SLC25A26: variants seen among roughly 807,000 people sequenced by gnomAD.
The protein encoded by SLC25A26 is mitochondrial S-adenosylmethionine carrier protein.
A neutral mutation model predicts 37.8 loss-of-function variants in SLC25A26; 36 were observed. The ratio of observed to expected loss-of-function variants is 0.95; its 90% CI spans 0.73 to 1.26. The LOEUF is 1.26. Ranked by LOEUF, SLC25A26 falls within the 50% of genes most tolerant of loss-of-function variation. The pLI, the probability that SLC25A26 is intolerant of heterozygous loss-of-function variation, is 0.00. For synonymous variants in SLC25A26, 129 were observed against 122.5 expected (o/e 1.05, Z -0.35); for missense variants, 390 against 331.1 (o/e 1.18, Z -1.38).
At chr3:66,158,676 T>A (rs1359880301) in intron 1 of SLC25A26, among the ~76,000 whole-genome samples, 1 of 152,166 alleles carries the variant, frequency 6.6e-6, no homozygotes, top group Non-Finnish European at 1.5e-5. Flanking sequence ...CATAGATTGT[T>A]ATACAAAGTG....
chr3:66,219,184 A>G (rs2071406860), upstream of SLC25A26, among the ~76,000 whole-genome samples: 1 of 152,214 alleles, frequency 6.6e-6, no homozygotes, highest in Admixed American at 6.5e-5. Flanking sequence ...AAAGCTTATT[A>G]ATAGAAACTT....
intron 1 of SLC25A26, among the ~76,000 whole-genome samples, chr3:66,135,943 C>T (rs1243534075): frequency 6.6e-6 from 1 of 152,204 alleles, no homozygotes; most frequent in Admixed American, 6.5e-5. Context: ...CAGGGATATA[C>T]ATCTTGGTCT....
chr3:66,276,208 G>C (rs2074139916), intron 5 of SLC25A26, among the ~76,000 whole-genome samples: 1 of 152,064 alleles, frequency 6.6e-6, no homozygotes, highest in Non-Finnish European at 1.5e-5. Flanking sequence ...TCCTTAAACT[G>C]TAAGACATCA....
At chr3:66,255,161 A>T (rs1310134497) in intron 3 of SLC25A26, among the ~76,000 whole-genome samples, 1 of 152,154 alleles carries the variant, frequency 6.6e-6, no homozygotes, top group Non-Finnish European at 1.5e-5. Flanking sequence ...GTTTTTGTTT[A>T]AAGAGACAGG....
At chr3:66,175,107 G>GTATATA (rs1201695553) in intron 1 of SLC25A26, among the ~76,000 whole-genome samples, 2,211 of 78,730 alleles carry the variant, frequency 0.028, 32 homozygotes, top group Non-Finnish European at 0.038. Context: ...ATATGTGTGT[G>GTATATA]TGTATATATA....
At position 66,320,499 on chromosome 3, in the gene SLC25A26, G is replaced by A. The variant is rs374697866; in HGVS notation, c.454-25865G>A. ...ATACTTCCTCTGTTAATGGTCACCC[G>A]GGTTGTTTCCATCTTTTGGCTATTG... is the stretch of plus-strand genomic sequence containing the variant. On this transcript the variant is annotated intron_variant, in intron 5 of 9. Coordinates refer to ENST00000354883, the MANE Select transcript of SLC25A26 (RefSeq NM_001379210.1). 4.8e-4 allele frequency among the ~76,000 whole-genome samples: 73 copies of A among 152,264 alleles called. 1 individual carries two copies. The East Asian group carries it at 9.8e-3, about 20-fold the overall frequency.
chr3:66,189,231 A>C (rs921187693), intron 1 of SLC25A26, among the ~76,000 whole-genome samples: 285 of 151,834 alleles, frequency 1.9e-3, no homozygotes, highest in African/African-American at 6.4e-3. Context: ...TCACCCTGAC[A>C]CTGACTCTGA....
intron 2 of SLC25A26, among the ~76,000 whole-genome samples, chr3:66,239,824 T>TC (rs2072484709): frequency 7.5e-6 from 1 of 134,018 alleles, no homozygotes; most frequent in Admixed American, 7.2e-5. Flanking sequence ...TTCTTTTTTT[T>TC]TTTTTTTTTT....
At chr3:66,166,186 A>G (rs978003214) in intron 1 of SLC25A26, among the ~76,000 whole-genome samples, 1 of 152,228 alleles carries the variant, frequency 6.6e-6, no homozygotes, top group African/African-American at 2.4e-5. Context: ...TGAAGGTGAC[A>G]TACTGATCTG....
chr3:66,165,481 A>G (rs1292354603), intron 1 of SLC25A26, among the ~76,000 whole-genome samples: 1 of 152,192 alleles, frequency 6.6e-6, no homozygotes, highest in Non-Finnish European at 1.5e-5. Context: ...CTTAGTTTCC[A>G]GGCTCTTAGA....
At chr3:66,139,517 C>G (rs1392191362) in intron 1 of SLC25A26, among the ~76,000 whole-genome samples, 1 of 152,168 alleles carries the variant, frequency 6.6e-6, no homozygotes, top group Non-Finnish European at 1.5e-5. Flanking sequence ...TCATCTGAAG[C>G]AGCACACATT....
chr3:66,199,135 C>T (rs1044859287), intron 1 of SLC25A26, among the ~76,000 whole-genome samples: 4 of 151,954 alleles, frequency 2.6e-5, no homozygotes, highest in African/African-American at 4.8e-5. Flanking sequence ...TCCCCCAACC[C>T]TTGTACCTTA....
intron 8 of SLC25A26, among the ~76,000 whole-genome samples, chr3:66,370,204 A>G (rs973402690): frequency 6.6e-6 from 1 of 152,240 alleles, no homozygotes; most frequent in Non-Finnish European, 1.5e-5. Flanking sequence ...TAGTTGTACC[A>G]TTTACACTAA....
At chr3:66,198,946 C>T (rs1463088159) in intron 1 of SLC25A26, among the ~76,000 whole-genome samples, 4 of 151,950 alleles carry the variant, frequency 2.6e-5, no homozygotes, top group East Asian at 1.9e-4. Context: ...TTGACCTTGA[C>T]CTGACTTGGC....
intron 5 of SLC25A26, among the ~76,000 whole-genome samples, chr3:66,281,107 A>G (rs141640624): frequency 4.9e-4 from 74 of 152,262 alleles, no homozygotes; most frequent in Non-Finnish European, 8.5e-4. Context: ...AGAGTCCGAG[A>G]TATTTATCCT....
intron 3 of SLC25A26, among the ~76,000 whole-genome samples, chr3:66,253,786 G>A (rs985969884): frequency 6.6e-6 from 1 of 152,140 alleles, no homozygotes; most frequent in East Asian, 1.9e-4. Context: ...CCTCCTCAAC[G>A]TTCAGATTTT....
chr3:66,282,366 G>C (rs1338207023), intron 5 of SLC25A26, among the ~76,000 whole-genome samples: 2 of 152,018 alleles, frequency 1.3e-5, no homozygotes, highest in African/African-American at 2.4e-5. Flanking sequence ...GGCTAGTCTC[G>C]AACTCCCGAC....
At chr3:66,177,435 G>A (rs1015530311) in intron 1 of SLC25A26, among the ~76,000 whole-genome samples, 8 of 152,154 alleles carry the variant, frequency 5.3e-5, no homozygotes, top group South Asian at 4.1e-4. Flanking sequence ...GTGAAGATAC[G>A]GAAAGTTTTC....
At chr3:66,244,618 A>G (rs1421837258) in intron 3 of SLC25A26, among the ~76,000 whole-genome samples, 1 of 152,216 alleles carries the variant, frequency 6.6e-6, no homozygotes, top group Non-Finnish European at 1.5e-5. Flanking sequence ...TGTCATTATA[A>G]TGAAGTAAAA....
Sources: allele counts gnomAD v4.1 joint callset (sites outside exome capture counted in the v4.1 genomes callset), GRCh38; gene constraint gnomAD v4.1.1; transcripts MANE v1.5; gene names NCBI Gene and HGNC (gene_info 2026-07-23, HGNC 2026-07-21).